The following PIK3R3 variants were observed in gnomAD, a reference collection of about 807,000 sequenced individuals.
PIK3R3 encodes the protein phosphoinositide-3-kinase regulatory subunit 3, also known as phosphatidylinositol 3-kinase regulatory subunit gamma.
In PIK3R3, 64 loss-of-function variants were observed where a neutral mutation model predicts 62.9. The observed-to-expected ratio is 1.02, with a 90% CI of 0.83 to 1.25. PIK3R3 has a LOEUF of 1.25. Among genes scored for constraint, PIK3R3 ranks in the 50% most tolerant of loss-of-function variants. PIK3R3 has a pLI of 0.00. For missense variants in PIK3R3, 614 were observed against 561.6 expected (o/e 1.09, Z -0.94); for synonymous variants, 165 against 189.0 (o/e 0.87, Z 1.04).
At chr1:46,116,127 C>T (rs1654165412) in intron 1 of PIK3R3, among the ~76,000 whole-genome samples, 1 of 152,166 alleles carries the variant, frequency 6.6e-6, no homozygotes, top group South Asian at 2.1e-4. Flanking sequence ...ACTTAAATTA[C>T]TTTTCAATTT....
At chr1:46,148,211 T>TA in the PIK3R3 span, among the ~76,000 whole-genome samples, 3 of 152,176 alleles carry the variant, frequency 2.0e-5, no homozygotes, top group South Asian at 6.2e-4. Context: ...GAGTCTTCCA[T>TA]ATGGTCCAGT....
At chr1:46,068,711 G>A (rs992094836) in intron 3 of PIK3R3, among the ~76,000 whole-genome samples, 1 of 152,268 alleles carries the variant, frequency 6.6e-6, no homozygotes, top group East Asian at 1.9e-4. Flanking sequence ...CATGTTCGAG[G>A]AACAGCAAGA....
At chr1:46,162,766 C>T in the PIK3R3 span, among the ~76,000 whole-genome samples, 2 of 151,978 alleles carry the variant, frequency 1.3e-5, no homozygotes, top group Non-Finnish European at 1.5e-5. Context: ...GGATTACAGG[C>T]GTGCACCACC....
At chr1:46,049,550 C>T (rs1023822271) in intron 7 of PIK3R3, among the ~76,000 whole-genome samples, 27 of 152,190 alleles carry the variant, frequency 1.8e-4, no homozygotes, top group Admixed American at 1.8e-3. Flanking sequence ...CTGTTGGTAG[C>T]CAGTGATGAG....
At chr1:46,096,003 T>C (rs1181731867) in intron 1 of PIK3R3, among the ~76,000 whole-genome samples, 1 of 152,214 alleles carries the variant, frequency 6.6e-6, no homozygotes. Context: ...AGGATGGTAT[T>C]GAACTCCCAG....
At chr1:46,168,809 C>T in the PIK3R3 span, among the ~76,000 whole-genome samples, 1 of 152,144 alleles carries the variant, frequency 6.6e-6, no homozygotes, top group Non-Finnish European at 1.5e-5. Flanking sequence ...GGTGAACTGG[C>T]ACATCCCAGA....
At chr1:46,066,816 A>T in intron 4 of PIK3R3, 95 bp downstream of exon 4, 1 of 975,156 alleles carries the variant, frequency 1.0e-6, no homozygotes, top group Non-Finnish European at 1.6e-6. Flanking sequence ...CAAAATGGCT[A>T]GTTTTTTAAA....
chr1:46,106,541 TAATC>T (rs140488998), intron 1 of PIK3R3, among the ~76,000 whole-genome samples: 135 of 152,294 alleles, frequency 8.9e-4, no homozygotes, highest in Admixed American at 1.7e-3. Flanking sequence ...TAAAAAATAA[TAATC>T]AAATATAAAC....
intron 3 of PIK3R3, among the ~76,000 whole-genome samples, chr1:46,070,290 G>C (rs1649369006): frequency 1.3e-5 from 2 of 152,166 alleles, no homozygotes; most frequent in Admixed American, 6.5e-5. Flanking sequence ...CAGAGAAGCA[G>C]ACCCTGGACA....
chr1:46,148,326 C>T, the PIK3R3 span, among the ~76,000 whole-genome samples: 1 of 151,866 alleles, frequency 6.6e-6, no homozygotes, highest in Non-Finnish European at 1.5e-5. Flanking sequence ...TGGAGGTGCT[C>T]AAACAATGTT....
chr1:46,142,057 G>A, the PIK3R3 span, among the ~76,000 whole-genome samples: 1 of 152,100 alleles, frequency 6.6e-6, no homozygotes, highest in Non-Finnish European at 1.5e-5. Flanking sequence ...AAATCAACAG[G>A]CATAATACTC....
the PIK3R3 span, among the ~76,000 whole-genome samples, chr1:46,158,052 C>G: frequency 6.6e-6 from 1 of 152,172 alleles, no homozygotes; most frequent in Admixed American, 6.5e-5. Flanking sequence ...CTCTCCATTT[C>G]CATTCCTAAG....
At chr1:46,119,547 A>G (rs1001072217) in intron 1 of PIK3R3, among the ~76,000 whole-genome samples, 8 of 152,180 alleles carry the variant, frequency 5.3e-5, no homozygotes, top group African/African-American at 1.9e-4. Context: ...CTGCCTCTAG[A>G]TTTCTAACAT....
chr1:46,167,035 A>G, the PIK3R3 span, among the ~76,000 whole-genome samples: 2 of 152,192 alleles, frequency 1.3e-5, no homozygotes, highest in Non-Finnish European at 2.9e-5. Context: ...GGCGCGGTTA[A>G]TTATAGCCCC....
intron 2 of PIK3R3, 110 bp from the exon 3 acceptor site, chr1:46,077,723 G>T: frequency 1.5e-6 from 1 of 673,456 alleles, no homozygotes; most frequent in Non-Finnish European, 2.7e-6. Context: ...CAGTAGGTGT[G>T]CCTGAGGTTA....
At chr1:46,053,606 G>T (rs1647581264) in intron 7 of PIK3R3, among the ~76,000 whole-genome samples, 1 of 152,060 alleles carries the variant, frequency 6.6e-6, no homozygotes, top group Non-Finnish European at 1.5e-5. Flanking sequence ...TGCCATCTAT[G>T]AACCAGAAAG....
chr1:46,056,077 G>C, intron 6 of PIK3R3, 106 bp from the exon 7 acceptor site: 1 of 664,090 alleles, frequency 1.5e-6, no homozygotes, highest in South Asian at 2.1e-5. Context: ...TTGAGATTGA[G>C]TCTCGCTCTG....
chr1:46,090,121 ATTGTT>A (rs1651476693), intron 1 of PIK3R3, among the ~76,000 whole-genome samples: 1 of 152,082 alleles, frequency 6.6e-6, no homozygotes, highest in South Asian at 2.1e-4. Flanking sequence ...ATAAACCCAT[ATTGTT>A]TTAAGATAAA....
At chr1:46,148,043 G>A in the PIK3R3 span, among the ~76,000 whole-genome samples, 6 of 152,270 alleles carry the variant, frequency 3.9e-5, 1 homozygote, top group African/African-American at 1.2e-4. Flanking sequence ...AGAGTTTTTC[G>A]TAAACATTAT....
Sources: gnomAD v4.1 joint callset for allele counts (sites outside exome capture counted in the v4.1 genomes callset) on GRCh38, gnomAD v4.1.1 for gene constraint, MANE v1.5 for transcripts, NCBI Gene and HGNC (gene_info 2026-07-23, HGNC 2026-07-21) for gene names.